The following GRHL2 variants were observed in gnomAD, a reference collection of about 807,000 sequenced individuals.
GRHL2 encodes the protein grainyhead like transcription factor 2, also known as grainyhead-like protein 2 homolog.
A neutral mutation model predicts 83.8 loss-of-function variants in GRHL2; 21 were observed. The ratio of observed to expected loss-of-function variants is 0.25; its 90% CI spans 0.18 to 0.36. The LOEUF is 0.36. Among genes scored for constraint, GRHL2 ranks in the 10% least tolerant of loss-of-function variants. The probability of loss-of-function intolerance (pLI) is 1.00; values close to 1 mark genes in which losing one functional copy is unlikely to be tolerated. For missense variants in GRHL2, 623 were observed against 781.8 expected (o/e 0.80, Z 2.42); for synonymous variants, 280 against 278.9 (o/e 1.00, Z -0.04).
At chr8:101,510,281 G>A (rs1038517382) in intron 1 of GRHL2, among the ~76,000 whole-genome samples, 1 of 152,174 alleles carries the variant, frequency 6.6e-6, no homozygotes. Flanking sequence ...ACAGGCATGA[G>A]CCACTGCAAC....
At chr8:101,559,353 CAAAAAAAAAAAAAA>C (rs34176940) in intron 4 of GRHL2, among the ~76,000 whole-genome samples, 2 of 88,966 alleles carry the variant, frequency 2.2e-5, no homozygotes, top group African/African-American at 4.1e-5. Flanking sequence ...ACTAAAAATA[CAAAAAAAAAAAAAA>C]AAAAAAAAAA....
At chr8:101,671,444 G>A (rs1814206960), downstream of GRHL2, among the ~76,000 whole-genome samples, 1 of 152,152 alleles carries the variant, frequency 6.6e-6, no homozygotes, top group African/African-American at 2.4e-5. Flanking sequence ...AAACTGCAAG[G>A]CGGCAGCGAT....
At chr8:101,573,523 C>G in intron 5 of GRHL2, 145 bp from the exon 6 acceptor site, 2 of 914,776 alleles carry the variant, frequency 2.2e-6, no homozygotes, top group Non-Finnish European at 3.5e-6. Flanking sequence ...GATCTGGTCT[C>G]ATCTCTTTTG....
At chr8:101,551,144 T>C (rs1369841313) in intron 2 of GRHL2, among the ~76,000 whole-genome samples, 2 of 152,234 alleles carry the variant, frequency 1.3e-5, no homozygotes, top group Non-Finnish European at 2.9e-5. Context: ...TTATCTCATT[T>C]CTATCCAGTG....
intron 1 of GRHL2, among the ~76,000 whole-genome samples, chr8:101,520,118 G>T (rs1429319414): frequency 6.6e-6 from 1 of 152,120 alleles, no homozygotes; most frequent in Non-Finnish European, 1.5e-5. Flanking sequence ...TATTTTGTAT[G>T]GATTTTATAC....
In GRHL2 at chr8:101,582,703, C is replaced by G. The variant is rs556409826; in HGVS notation, c.1003+5184C>G. 1.8e-4 allele frequency among the ~76,000 whole-genome samples: 28 copies of G among 152,310 alleles called. 1 individual carries two copies. In the South Asian group the frequency reaches 5.8e-3, roughly 32 times the overall value. ...TTAGGGAAATGCTATTTGAGTTCCT[C>G]TGCGACCACCCACCTCAGCGTCTTT... On this transcript the variant is annotated intron_variant, in intron 7 of 15. Coordinates refer to ENST00000646743, the MANE Select transcript of GRHL2 (RefSeq NM_024915.4).
chr8:101,579,062 AT>A (rs1393023399), intron 7 of GRHL2, among the ~76,000 whole-genome samples: 1 of 152,194 alleles, frequency 6.6e-6, no homozygotes, highest in Non-Finnish European at 1.5e-5. Flanking sequence ...AAGAGCCGGG[AT>A]AAGATCTGTG....
intron 1 of GRHL2, among the ~76,000 whole-genome samples, chr8:101,531,439 A>G (rs972720572): frequency 3.3e-5 from 5 of 152,192 alleles, no homozygotes; most frequent in Non-Finnish European, 7.3e-5. Context: ...GCTGGCATAT[A>G]GTGGATGCTC....
chr8:101,551,162 A>G (rs977938752), intron 2 of GRHL2, among the ~76,000 whole-genome samples: 1 of 152,216 alleles, frequency 6.6e-6, no homozygotes, highest in African/African-American at 2.4e-5. Flanking sequence ...GTGTTTAGCA[A>G]TGCCTGGTAT....
chr8:101,617,939 G>A (rs1586148148), intron 8 of GRHL2, among the ~76,000 whole-genome samples: 1 of 152,260 alleles, frequency 6.6e-6, no homozygotes, highest in East Asian at 1.9e-4. Flanking sequence ...AATCAAATAA[G>A]ATAAGCATTA....
chr8:101,624,479 AACAGTGTAGG>A (rs1283963189), intron 9 of GRHL2, among the ~76,000 whole-genome samples: 94 of 149,094 alleles, frequency 6.3e-4, no homozygotes, highest in African/African-American at 1.9e-3. Flanking sequence ...TACACAGTAG[AACAGTGTAGG>A]ACAGTTCAGA....
chr8:101,535,139 C>T (rs979562754), intron 1 of GRHL2, among the ~76,000 whole-genome samples: 8 of 152,174 alleles, frequency 5.3e-5, no homozygotes, highest in African/African-American at 9.7e-5. Flanking sequence ...CCTGTGGTCA[C>T]ATTCTGGATG....
At chr8:101,499,912 G>A (rs917456364) in intron 1 of GRHL2, among the ~76,000 whole-genome samples, 2 of 151,912 alleles carry the variant, frequency 1.3e-5, no homozygotes, top group Non-Finnish European at 2.9e-5. Context: ...CCCGTCTTTA[G>A]TAATAACACA....
At chr8:101,554,646 A>G (rs1262098460) in intron 3 of GRHL2, among the ~76,000 whole-genome samples, 2 of 152,236 alleles carry the variant, frequency 1.3e-5, no homozygotes, top group Non-Finnish European at 2.9e-5. Context: ...TCATGAATTA[A>G]GTTGCTATAT....
At chr8:101,565,085 ACTT>A (rs1811688863) in intron 4 of GRHL2, among the ~76,000 whole-genome samples, 1 of 152,158 alleles carries the variant, frequency 6.6e-6, no homozygotes, top group Non-Finnish European at 1.5e-5. Flanking sequence ...TACTCATTTT[ACTT>A]CTTATCCTTA....
chr8:101,606,725 A>G (rs1332270469), intron 8 of GRHL2, among the ~76,000 whole-genome samples: 1 of 152,212 alleles, frequency 6.6e-6, no homozygotes, highest in Admixed American at 6.5e-5. Context: ...CTATTTCTAT[A>G]GAAAACCCAG....
chr8:101,526,341 T>C (rs1009726063), intron 1 of GRHL2, among the ~76,000 whole-genome samples: 9 of 152,178 alleles, frequency 5.9e-5, no homozygotes, highest in Non-Finnish European at 8.8e-5. Context: ...TTGTGTGTTA[T>C]TCTATAACAT....
chr8:101,626,333 TA>T (rs1312780454), intron 9 of GRHL2, among the ~76,000 whole-genome samples: 2 of 152,220 alleles, frequency 1.3e-5, no homozygotes, highest in African/African-American at 4.8e-5. Context: ...AGGGCTTCCC[TA>T]ATCATTCTTG....
At position 101,638,765 on chromosome 8, in the gene GRHL2, C is replaced by A. The variant is rs2186391; in HGVS notation, c.1517+1837C>A. The stretch of plus-strand genomic sequence containing the variant: ...TGGCACATAGATAATACATTCCCAG[C>A]GGTTAGAATGAACATAAATGACTAG... On this transcript the variant is annotated intron_variant, in intron 12 of 15. Coordinates refer to ENST00000646743, the MANE Select transcript of GRHL2 (RefSeq NM_024915.4). Among the ~76,000 whole-genome samples the A allele has an allele frequency of 2.4e-3, 368 of 152,188 alleles. 2 individuals carry two copies. Among genetic ancestry groups the A allele is most frequent in the Middle Eastern group, 3.4e-3 (1 of 294 alleles).
Sources: allele counts gnomAD v4.1 joint callset (sites outside exome capture counted in the v4.1 genomes callset), GRCh38; gene constraint gnomAD v4.1.1; transcripts MANE v1.5; gene names NCBI Gene and HGNC (gene_info 2026-07-23, HGNC 2026-07-21).